PLPPR1: variants seen among roughly 807,000 people sequenced by gnomAD.
The protein encoded by PLPPR1 is phospholipid phosphatase related 1.
A neutral mutation model predicts 33.1 loss-of-function variants in PLPPR1; 10 were observed. The ratio of observed to expected loss-of-function variants is 0.30; its 90% confidence interval spans 0.19 to 0.51. PLPPR1 has a LOEUF of 0.51. Ranked by LOEUF, PLPPR1 falls within the 20% of genes least tolerant of loss-of-function variation. The pLI is 0.97. For missense variants in PLPPR1, 304 were observed against 408.1 expected (o/e 0.74, Z 2.20); for synonymous variants, 151 against 151.0 (o/e 1.00, Z 0.00).
rs1400238835 is a variant in PLPPR1 at position 101,286,220 on chromosome 9, G to T, written c.369G>T (p.Arg123Ser). 1.2e-6 allele frequency: 2 copies of T among 1,613,662 alleles called. No individual in the cohort carries two copies. The highest frequency in any genetic ancestry group is 4.5e-5 in the East Asian group (2 of 44,856). The part of the protein sequence containing the change: ...ECCYLNPLLR[R>S]IIRFTGVFAF... ...GTTACCTGAACCCCTTACTTCGAAG[G>T]ATCATAAGATTCACAGGTGAGTACA... The change falls in exon 4 of 8, where the codon AGG becomes AGT. Residue 123 changes from arginine to serine, a missense_variant. Arg to Ser is a moderately radical substitution (Grantham distance 110, BLOSUM62 -1). Coordinates refer to ENST00000374874, the MANE Select transcript of PLPPR1 (RefSeq NM_207299.2).
intron 1 of PLPPR1, among the ~76,000 whole-genome samples, chr9:101,153,842 C>T (rs536464283): frequency 6.6e-6 from 1 of 152,156 alleles, no homozygotes; most frequent in East Asian, 1.9e-4. Context: ...CTCGGCCTCC[C>T]AAAGTGCTGG....
At chr9:101,238,293 C>CTATATATATACATACA (rs1827368873) in intron 2 of PLPPR1, among the ~76,000 whole-genome samples, 1 of 130,350 alleles carries the variant, frequency 7.7e-6, no homozygotes, top group South Asian at 2.5e-4. Context: ...TATACATACC[C>CTATATATATACATACA]TATATATATA....
At position 101,168,852 on chromosome 9, in the gene PLPPR1, A is replaced by G. The variant is rs541070723; in HGVS notation, c.-45-16598A>G. ...TGCAAGTTCATCTTAAGCCTTATGT[A>G]TATTTTTTATTGAAAGAGTGTAAGA... On this transcript the variant is annotated intron_variant, in intron 1 of 7. Coordinates refer to ENST00000374874, the MANE Select transcript of PLPPR1 (RefSeq NM_207299.2). 3.0e-4 allele frequency among the ~76,000 whole-genome samples: 45 copies of G among 152,318 alleles called. No homozygotes were observed. In the South Asian group the frequency reaches 9.1e-3, roughly 31 times the overall value.
intron 2 of PLPPR1, among the ~76,000 whole-genome samples, chr9:101,243,607 G>T (rs1311507420): frequency 6.6e-6 from 1 of 151,980 alleles, no homozygotes; most frequent in African/African-American, 2.4e-5. Flanking sequence ...GCCTTCAGGA[G>T]GTGGAGGGAG....
intron 1 of PLPPR1, among the ~76,000 whole-genome samples, chr9:101,106,448 C>A (rs1216052050): frequency 8.1e-6 from 1 of 123,024 alleles, no homozygotes; most frequent in Non-Finnish European, 1.7e-5. Flanking sequence ...GTTGAAAATT[C>A]TTTCCTTTAA....
intron 1 of PLPPR1, among the ~76,000 whole-genome samples, chr9:101,127,178 G>C (rs1487935662): frequency 6.6e-6 from 1 of 151,958 alleles, no homozygotes; most frequent in Non-Finnish European, 1.5e-5. Flanking sequence ...GCTTCTTTTA[G>C]ACATCCTCGG....
chr9:101,151,114 G>A (rs866647188), intron 1 of PLPPR1, among the ~76,000 whole-genome samples: 1 of 152,004 alleles, frequency 6.6e-6, no homozygotes, highest in African/African-American at 2.4e-5. Flanking sequence ...GGTCCAGATG[G>A]CATGTTTTTA....
At chr9:101,294,929 T>C (rs1435147051) in intron 4 of PLPPR1, among the ~76,000 whole-genome samples, 1 of 151,836 alleles carries the variant, frequency 6.6e-6, no homozygotes, top group Admixed American at 6.5e-5. Flanking sequence ...CTATTCGACA[T>C]AGTGTTGGAA....
chr9:101,309,063 C>T (rs956291041), intron 4 of PLPPR1, 148 bp from the exon 5 acceptor site: 3 of 736,412 alleles, frequency 4.1e-6, no homozygotes, highest in African/African-American at 3.5e-5. Flanking sequence ...ATTTGGGAAG[C>T]AGGTACCACT....
At chr9:101,262,396 A>G (rs1055279338) in intron 2 of PLPPR1, among the ~76,000 whole-genome samples, 1 of 152,070 alleles carries the variant, frequency 6.6e-6, no homozygotes, top group African/African-American at 2.4e-5. Context: ...CATAATGCCT[A>G]CCTCTTCCAT....
At chr9:101,184,516 A>T (rs1456450879) in intron 1 of PLPPR1, among the ~76,000 whole-genome samples, 1 of 151,910 alleles carries the variant, frequency 6.6e-6, no homozygotes, top group Non-Finnish European at 1.5e-5. Flanking sequence ...GTTGGTAGGG[A>T]TGACAGAGAA....
intron 2 of PLPPR1, among the ~76,000 whole-genome samples, chr9:101,241,628 A>AT (rs1234380457): frequency 1.3e-5 from 2 of 152,082 alleles, no homozygotes; most frequent in African/African-American, 4.8e-5. Context: ...CCTTATGGCA[A>AT]TGGCTACTCA....
intron 2 of PLPPR1, among the ~76,000 whole-genome samples, chr9:101,267,017 C>T (rs2118889869): frequency 6.6e-6 from 1 of 152,236 alleles, no homozygotes; most frequent in East Asian, 1.9e-4. Context: ...CTCCCAAGAG[C>T]TGATGAAGCC....
At chr9:101,227,575 C>G (rs915668802) in intron 2 of PLPPR1, among the ~76,000 whole-genome samples, 1 of 152,126 alleles carries the variant, frequency 6.6e-6, no homozygotes, top group African/African-American at 2.4e-5. Flanking sequence ...AAGTTTCTCC[C>G]ATTCTGTATG....
chr9:101,209,679 C>G (rs1421524071), intron 2 of PLPPR1, among the ~76,000 whole-genome samples: 4 of 152,202 alleles, frequency 2.6e-5, no homozygotes, highest in Admixed American at 6.5e-5. Flanking sequence ...AGTTTTCTTG[C>G]TAGCCAAACT....
chr9:101,117,434 G>A (rs1292075755), intron 1 of PLPPR1, among the ~76,000 whole-genome samples: 1 of 152,158 alleles, frequency 6.6e-6, no homozygotes, highest in African/African-American at 2.4e-5. Context: ...AAATGGCATG[G>A]CAATGTCAGG....
intron 3 of PLPPR1, among the ~76,000 whole-genome samples, chr9:101,272,946 A>T (rs1006550122): frequency 2.0e-4 from 30 of 152,226 alleles, no homozygotes; most frequent in African/African-American, 6.0e-4. Flanking sequence ...AAAGATTTGT[A>T]TATAGGGATG....
intron 1 of PLPPR1, among the ~76,000 whole-genome samples, chr9:101,168,492 C>T (rs1825893129): frequency 6.6e-6 from 1 of 152,154 alleles, no homozygotes; most frequent in Non-Finnish European, 1.5e-5. Context: ...GCTCAACTAT[C>T]ATCCATGGAA....
intron 1 of PLPPR1, among the ~76,000 whole-genome samples, chr9:101,148,569 A>G (rs1831548231): frequency 6.6e-6 from 1 of 152,080 alleles, no homozygotes; most frequent in African/African-American, 2.4e-5. Flanking sequence ...GTCTTTTGTT[A>G]AGCCCCTCCA....
Sources: gnomAD v4.1 joint callset for allele counts (sites outside exome capture counted in the v4.1 genomes callset) on GRCh38, gnomAD v4.1.1 for gene constraint, MANE v1.5 for transcripts, NCBI Gene and HGNC (gene_info 2026-07-23, HGNC 2026-07-21) for gene names.